Variants in SPEF2 observed in about 807,000 individuals in gnomAD.
SPEF2 encodes the protein sperm flagellar and cilia associated 2.
Under a neutral mutation model 224.6 loss-of-function variants are expected in SPEF2, and 187 were observed. The ratio of observed to expected loss-of-function variants is 0.83; its 90% CI spans 0.74 to 0.94. The LOEUF is 0.94. Ranked by LOEUF, SPEF2 falls within the 40% of genes least tolerant of loss-of-function variation. The pLI, the probability that SPEF2 is intolerant of heterozygous loss-of-function variation, is 0.00. For synonymous variants in SPEF2, 715 were observed against 707.3 expected (o/e 1.01, Z -0.17); for missense variants, 2,170 against 2,135.6 (o/e 1.02, Z -0.32).
intron 8 of SPEF2, among the ~76,000 whole-genome samples, chr5:35,660,289 G>A (rs899902832): frequency 6.6e-6 from 1 of 152,076 alleles, no homozygotes; most frequent in Non-Finnish European, 1.5e-5. Flanking sequence ...CCTGTGAGTG[G>A]CATTTTAGAT....
At chr5:35,800,598 C>T (rs1417403967) in intron 34 of SPEF2, among the ~76,000 whole-genome samples, 1 of 152,202 alleles carries the variant, frequency 6.6e-6, no homozygotes, top group African/African-American at 2.4e-5. Context: ...TTTCATATCA[C>T]CTGTGTCCAA....
At chr5:35,708,641 CCAGCACCTCCACCACCACTACCACCAG>C (rs1740408333) in intron 18 of SPEF2, among the ~76,000 whole-genome samples, 1 of 772 alleles carries the variant, frequency 1.3e-3, no homozygotes, top group Non-Finnish European at 3.5e-3. Context: ...ATCACCTCTA[CCAGCACCTCCACCACCACTACCACCAG>C]CACCATCACC....
At chr5:35,794,724 A>C (rs1756430347) in intron 32 of SPEF2, among the ~76,000 whole-genome samples, 1 of 152,234 alleles carries the variant, frequency 6.6e-6, no homozygotes, top group Non-Finnish European at 1.5e-5. Flanking sequence ...AAACATGAGA[A>C]GAACAAAGGG....
chr5:35,631,927 A>G (rs542781552), intron 2 of SPEF2, among the ~76,000 whole-genome samples: 1 of 152,376 alleles, frequency 6.6e-6, no homozygotes, highest in South Asian at 2.1e-4. Context: ...GGATGTATGT[A>G]GATTATATGC....
intron 10 of SPEF2, among the ~76,000 whole-genome samples, chr5:35,674,337 C>CTT (rs35129181): frequency 0.066 from 6,221 of 94,370 alleles, 196 homozygotes; most frequent in Non-Finnish European, 0.089. Flanking sequence ...TTTTCGTCTT[C>CTT]TTTTTTTTTT....
rs1747872255 is a variant in SPEF2 at position 35,649,412 on chromosome 5, C to T, written c.778C>T (p.Gln260Ter). ...CGAAGCATTAATAAAAAAGGATCTCCAAGCAAAAGAAAGGTGAGATGTGAG... is the reference window on the plus strand; with the variant it reads ...CGAAGCATTAATAAAAAAGGATCTCTAAGCAAAAGAAAGGTGAGATGTGAG... ...KFEALIKKDL[Q>*]AKESASKTSL... The change falls in exon 6 of 37, where the codon CAA (glutamine) becomes TAA (stop). Residue 260 changes from glutamine (Q) to a stop codon, truncating the protein, a stop_gained. Transcript: ENST00000356031. LOFTEE classifies it high-confidence loss of function. 1 of 1,610,932 alleles carries T rather than the reference C, an allele frequency of 6.2e-7. No individual in the cohort carries two copies. Among genetic ancestry groups the T allele is most frequent in the Admixed American group, 1.7e-5 (1 of 59,672 alleles).
At chr5:35,751,420 C>G (rs1749634935) in intron 23 of SPEF2, among the ~76,000 whole-genome samples, 1 of 150,940 alleles carries the variant, frequency 6.6e-6, no homozygotes, top group Non-Finnish European at 1.5e-5. Context: ...CACTGAAGAA[C>G]TTACTTATGT....
chr5:35,796,468 C>T (rs1447236970), intron 33 of SPEF2, among the ~76,000 whole-genome samples: 2 of 152,094 alleles, frequency 1.3e-5, no homozygotes, highest in African/African-American at 2.4e-5. Context: ...AAAAATTAGC[C>T]GGGTGCAGTG....
chr5:35,709,958 C>G, intron 19 of SPEF2: 1 of 984,448 alleles, frequency 1.0e-6, no homozygotes, highest in South Asian at 4.7e-5. Flanking sequence ...ACTCTATAGT[C>G]TTTCTGCCTC....
intron 2 of SPEF2, 67 bp from the exon 3 acceptor site, chr5:35,641,364 C>A: frequency 1.3e-6 from 2 of 1,483,376 alleles, no homozygotes; most frequent in South Asian, 1.3e-5. Flanking sequence ...GATAATATGT[C>A]TGATATTTGT....
chr5:35,794,307 G>T (rs1388480467), intron 32 of SPEF2, among the ~76,000 whole-genome samples: 2 of 152,202 alleles, frequency 1.3e-5, no homozygotes, highest in East Asian at 3.8e-4. Flanking sequence ...TTGAAACAGA[G>T]TAATACTTTC....
At chr5:35,721,326 G>A (rs1244705109) in intron 20 of SPEF2, among the ~76,000 whole-genome samples, 2 of 152,132 alleles carry the variant, frequency 1.3e-5, no homozygotes, top group Non-Finnish European at 2.9e-5. Context: ...CATCTTGCAT[G>A]TAAATCTATT....
intron 10 of SPEF2, among the ~76,000 whole-genome samples, 164 bp from the exon 11 acceptor site, chr5:35,690,873 A>G (rs1754357094): frequency 1.3e-5 from 2 of 152,120 alleles, no homozygotes. Context: ...CTGCCCTGTA[A>G]TATGAAACTA....
chr5:35,806,890 A>G lies in SPEF2; in HGVS notation c.5194A>G (p.Ser1732Gly), dbSNP rs1758132741. 2.5e-6 allele frequency: 4 copies of G among 1,614,084 alleles called. No individual in the cohort carries two copies. The highest frequency in any genetic ancestry group is 3.4e-6 in the Non-Finnish European group (4 of 1,179,980). ...ACTACTCAAAGTGTTCAAAGGGGGA[A>G]GTGAAGCACAGGACTCCAATAGATT... ...ETLLKVFKGG[S>G]EAQDSNRFAS... is the part of the protein sequence containing the mutation. The change falls in exon 35 of 37, where the codon AGT (serine) becomes GGT (glycine). Residue 1732 changes from serine to glycine, a missense_variant. Transcript: ENST00000356031.
chr5:35,754,049 A>G (rs1750086005), intron 24 of SPEF2, among the ~76,000 whole-genome samples: 2 of 152,170 alleles, frequency 1.3e-5, no homozygotes, highest in African/African-American at 4.8e-5. Context: ...AGTGTTTACA[A>G]CTGAGTTATC....
At chr5:35,792,225 T>G (rs185283261) in intron 30 of SPEF2, 115 bp from the exon 31 acceptor site, 6 of 621,694 alleles carry the variant, frequency 9.7e-6, no homozygotes, top group Middle Eastern at 8.9e-4. Flanking sequence ...AAACTTACCA[T>G]TTTATATAAT....
intron 1 of SPEF2, among the ~76,000 whole-genome samples, chr5:35,624,623 C>A (rs1337341230): frequency 6.6e-6 from 1 of 152,108 alleles, no homozygotes; most frequent in Non-Finnish European, 1.5e-5. Context: ...CTCTCTCTCT[C>A]TCTGGCTTCC....
intron 2 of SPEF2, among the ~76,000 whole-genome samples, chr5:35,639,745 AC>A (rs1746332688): frequency 1.3e-5 from 2 of 151,932 alleles, no homozygotes; most frequent in South Asian, 4.2e-4. Flanking sequence ...GTATTCCCTC[AC>A]CAGATGGCAA....
At chr5:35,689,992 C>T (rs1182922569) in intron 10 of SPEF2, among the ~76,000 whole-genome samples, 2 of 151,862 alleles carry the variant, frequency 1.3e-5, no homozygotes, top group African/African-American at 2.4e-5. Flanking sequence ...TTATTAATTT[C>T]CATTTTTATT....
Sources: gnomAD v4.1 joint callset for allele counts (sites outside exome capture counted in the v4.1 genomes callset) on GRCh38, gnomAD v4.1.1 for gene constraint, MANE v1.5 for transcripts, NCBI Gene and HGNC (gene_info 2026-07-23, HGNC 2026-07-21) for gene names.